The following ADNP variants were observed in gnomAD, a reference collection of about 807,000 sequenced individuals.
The protein encoded by ADNP is activity-dependent neuroprotector homeobox protein.
Under a neutral mutation model 84.9 loss-of-function variants are expected in ADNP, and 4 were observed. The ratio of observed to expected loss-of-function variants is 0.05; its 90% confidence interval spans 0.02 to 0.11. The LOEUF (loss-of-function observed/expected upper bound fraction) is 0.11, where lower values mean the gene tolerates loss of function less well. Ranked by LOEUF, ADNP falls within the 10% of genes least tolerant of loss-of-function variation. The probability of loss-of-function intolerance (pLI) is 1.00; values close to 1 mark genes in which losing one functional copy is unlikely to be tolerated. For synonymous variants in ADNP, 554 were observed against 468.1 expected, an observed-to-expected ratio of 1.18 and a Z score of -2.37; for missense variants, 1,132 against 1,326.0, an observed-to-expected ratio of 0.85 and a Z score of 2.27.
Position 50,893,843 on chromosome 20 carries a change from C to T in ADNP, c.871G>A (p.Ala291Thr), listed in dbSNP as rs756363800. Residue 291 changes from alanine to threonine, a missense_variant, in exon 6 of 6, where the codon GCT (alanine) becomes ACT (threonine). This residue lies in a region of ADNP where 239 missense variants were observed against 213.2 expected (regional missense o/e 1.12). Transcript: ENST00000621696. This position sits in a 1 kb window ranked among gnomAD's most constrained non-coding sequence, Gnocchi z 4.4. ...GGTAAAGACCGGACATTTCCAGAAG[C>T]AAGGGAACCGATCCTTGGTGGGAGT... ...MGLPPRIGSL[A>T]SGNVRSLPSQ... The T allele has an allele frequency of 1.9e-6, 3 of 1,614,184 alleles. No homozygotes were observed. The Admixed American group carries it at 5.0e-5, about 27-fold the overall frequency.
At position 50,890,131 on chromosome 20, in the gene ADNP, TAAAAAA is replaced by T. The variant is rs150489825; in HGVS notation, c.*1268_*1273del. On this transcript the variant is annotated 3_prime_UTR_variant, in exon 6 of 6. Coordinates refer to ENST00000621696, the MANE Select transcript of ADNP (RefSeq NM_001282531.3). Reference sequence around the variant, plus strand: ...AACTCAAGGGTGTTTGTTTTTCAGTTAAAAAAAAAAAAAAAAAAAAAAAAAAAAAAG... The same window carrying T: ...AACTCAAGGGTGTTTGTTTTTCAGTTAAAAAAAAAAAAAAAAAAAAAAAAG... The T allele has an allele frequency of 1.0e-3, 84 of 81,196 alleles. No homozygotes were observed. Among genetic ancestry groups the T allele is most frequent in the African/African-American group, 1.9e-3 (49 of 25,918 alleles). 5.0% of individuals were successfully genotyped at this position (81,196 alleles called of 1,614,324 possible). A position where few individuals can be genotyped will look rare whatever the true frequency, so the allele number is the denominator to read the frequency against.
chr20:50,924,979 C>A (rs887833710), intron 2 of ADNP, among the ~76,000 whole-genome samples: 1 of 152,114 alleles, frequency 6.6e-6, no homozygotes, highest in Non-Finnish European at 1.5e-5. Context: ...TTTTCTAAAT[C>A]TTTATTTCCA....
At position 50,891,745 on chromosome 20, in the gene ADNP, T is replaced by G. The variant is rs779248718; in HGVS notation, c.2969A>C (p.Glu990Ala). The G allele has an allele frequency of 2.5e-6, 4 of 1,614,066 alleles. No homozygotes were observed. The African/African-American group carries it at 5.3e-5, about 22-fold the overall frequency. Residue 990 changes from glutamate to alanine, a missense_variant, in exon 6 of 6, where the codon GAA becomes GCA. Transcript: ENST00000621696. ...GTCAGACCAGGTTCCTGGTTTCATT[T>G]CGCAGGTATTGTCCTCAAAGTCTGA... ...QVSDFEDNTC[E>A]MKPGTWSDES...
At chr20:50,907,769 G>GT (rs35227972) in intron 2 of ADNP, among the ~76,000 whole-genome samples, 22 of 116,462 alleles carry the variant, frequency 1.9e-4, no homozygotes, top group Non-Finnish European at 2.8e-4. Flanking sequence ...GTGTGTGTGT[G>GT]TTTTTTTTTG....
At chr20:50,906,351 C>T (rs558053816) in intron 2 of ADNP, among the ~76,000 whole-genome samples, 7 of 152,326 alleles carry the variant, frequency 4.6e-5, no homozygotes, top group African/African-American at 9.6e-5. Context: ...TGGATGCCCA[C>T]AGATACCTAA....
chr20:50,901,131 G>GT (rs1981930928), intron 5 of ADNP, among the ~76,000 whole-genome samples: 3 of 151,982 alleles, frequency 2.0e-5, no homozygotes, highest in Admixed American at 2.0e-4. Flanking sequence ...TTTCTCCCTA[G>GT]AAACCTACTT....
rs150771590 is a variant in ADNP, at chr20:50,922,239, T to A, written c.-90+6412A>T. Among the ~76,000 whole-genome samples, 51 of 152,248 alleles carry A rather than the reference T, an allele frequency of 3.3e-4. No individual in the cohort carries two copies. The East Asian group carries it at 9.1e-3, about 27-fold the overall frequency. On this transcript the variant is annotated intron_variant, in intron 2 of 5. Transcript: ENST00000621696. ...ACCAGCTGAGTATCCTCTAATTTGG[T>A]TCTGACACTGTCTACCTGGATACAG...
chr20:50,913,344 T>C lies in ADNP; in HGVS notation c.-89-8495A>G, dbSNP rs113015420. 2.3e-3 allele frequency among the ~76,000 whole-genome samples: 308 copies of C among 135,144 alleles called. 1 individual carries two copies. Among genetic ancestry groups the C allele is most frequent in the Middle Eastern group, 4.9e-3 (1 of 206 alleles). The allele number at this position is 135,144 out of a possible 152,430, so 88.7% of individuals were successfully genotyped here. A position where few individuals can be genotyped will look rare whatever the true frequency, so the allele number is the denominator to read the frequency against. On this transcript the variant is annotated intron_variant, in intron 2 of 5. Transcript: ENST00000621696. ...TAGGAAGACAATCAGGCTACTACAATATAAACAATTTCATTTTTTGATAAC... is the reference window on the plus strand; with the variant it reads ...TAGGAAGACAATCAGGCTACTACAACATAAACAATTTCATTTTTTGATAAC...
In ADNP at chr20:50,891,555, A is replaced by C. The variant is rs771531841; in HGVS notation, c.3159T>G (p.Asn1053Lys). ...DQSQWKNASE[N>K]DERLSNPQIE... ...TCTGGGGGTTAGATAAGCGCTCATC[A>C]TTCTCAGATGCATTCTTCCACTGTG... Residue 1053 changes from asparagine (N) to lysine (K), a missense_variant, in exon 6 of 6, where the codon AAT (asparagine) becomes AAG (lysine). Coordinates refer to ENST00000621696, the MANE Select transcript of ADNP (RefSeq NM_001282531.3). 1 of 1,612,398 alleles carries C rather than the reference A, an allele frequency of 6.2e-7. No homozygotes were observed. The highest frequency in any genetic ancestry group is 2.2e-5 in the East Asian group (1 of 44,886).
chr20:50,889,649 T>G lies in ADNP; in HGVS notation c.*1756A>C, dbSNP rs558254711. On this transcript the variant is annotated 3_prime_UTR_variant, in exon 6 of 6. Transcript: ENST00000621696. Reference sequence around the variant, plus strand: ...ATGGACATCAGCCACTTCAGACTTCTTTAGGCCACTATCCTTGAGGTGACT... The same window carrying G: ...ATGGACATCAGCCACTTCAGACTTCGTTAGGCCACTATCCTTGAGGTGACT... The G allele has an allele frequency of 2.6e-6, 1 of 381,588 alleles. No individual in the cohort carries two copies. The highest frequency in any genetic ancestry group is 4.6e-6 in the Non-Finnish European group (1 of 215,958). The allele number at this position is 381,588 out of a possible 1,614,324, so 23.6% of individuals were successfully genotyped here. A position where few individuals can be genotyped will look rare whatever the true frequency, so the allele number is the denominator to read the frequency against.
At position 50,892,033 on chromosome 20, in the gene ADNP, T is replaced by A; in HGVS notation, c.2681A>T (p.Asp894Val). Reference protein sequence around the residue: ...EESNESGSPFDPVFEVEPKIS... With the variant: ...EESNESGSPFVPVFEVEPKIS... ...TTTAGGTTCAACTTCAAAAACAGGG[T>A]CAAAAGGGCTACCACTTTCATTGGA... Residue 894 changes from aspartate to valine, a missense_variant, in exon 6 of 6, where the codon GAC becomes GTC. Asp to Val is a radical substitution (Grantham distance 152). Transcript: ENST00000621696. 2 of 1,614,152 alleles carry A rather than the reference T, an allele frequency of 1.2e-6. No individual in the cohort carries two copies. Among genetic ancestry groups the A allele is most frequent in the East Asian group, 4.5e-5 (2 of 44,890 alleles).
Position 50,892,878 on chromosome 20 carries a change from T to A in ADNP, c.1836A>T (p.Ala612=). 6.2e-7 allele frequency: 1 copy of A among 1,614,274 alleles called. No homozygotes were observed. Among genetic ancestry groups the A allele is most frequent in the South Asian group, 1.1e-5 (1 of 91,088 alleles). ...TCCCAACATCTTTTTTATAGGGCAC[T>A]GCAGCTTGAGGTGAACTTTTTACAG... ...DIPVKSSPQA[A]VPYKKDVGKT... is the part of the protein sequence containing the mutation. The change falls in exon 6 of 6, where the codon GCA becomes GCT. Residue 612 remains alanine, a synonymous_variant. Transcript: ENST00000621696.
At chr20:50,923,158 C>G (rs779734670) in intron 2 of ADNP, among the ~76,000 whole-genome samples, 16 of 152,162 alleles carry the variant, frequency 1.1e-4, no homozygotes, top group Non-Finnish European at 1.9e-4. Flanking sequence ...GTATGTATCA[C>G]AACACCACAA....
chr20:50,908,916 G>A (rs192916183), intron 2 of ADNP, among the ~76,000 whole-genome samples: 8 of 151,984 alleles, frequency 5.3e-5, no homozygotes, highest in Non-Finnish European at 7.4e-5. Context: ...CCTCACTTTC[G>A]AATGCAAAGA....
chr20:50,909,166 A>T (rs949494656), intron 2 of ADNP, among the ~76,000 whole-genome samples: 1 of 151,726 alleles, frequency 6.6e-6, no homozygotes, highest in African/African-American at 2.4e-5. Flanking sequence ...AGGTCAGGAG[A>T]GTAGCCTGAC....
chr20:50,895,342 G>C (rs1374756131), intron 5 of ADNP, among the ~76,000 whole-genome samples: 1 of 152,144 alleles, frequency 6.6e-6, no homozygotes, highest in Admixed American at 6.5e-5. Flanking sequence ...ATTACCATAG[G>C]CAATGATTAA....
chr20:50,902,191 C>A, intron 4 of ADNP, 82 bp from the exon 5 acceptor site: 1 of 1,039,086 alleles, frequency 9.6e-7, no homozygotes, highest in South Asian at 1.4e-5. Context: ...CACCTCTTAA[C>A]TAAGATGGGG....
rs777516475 is a variant in ADNP, at chr20:50,893,515, G to T, written c.1199C>A (p.Ser400Tyr). 9 of 1,612,804 alleles carry T rather than the reference G, an allele frequency of 5.6e-6. No individual in the cohort carries two copies. Among genetic ancestry groups the T allele is most frequent in the Non-Finnish European group, 7.6e-6 (9 of 1,179,126 alleles). Residue 400 changes from serine (S) to tyrosine (Y), a missense_variant, in exon 6 of 6, where the codon TCT (serine) becomes TAT (tyrosine). By Grantham distance (144) the Ser-to-Tyr change is moderately radical. Coordinates refer to ENST00000621696, the MANE Select transcript of ADNP (RefSeq NM_001282531.3). The surrounding 1 kb of genome is among the most constrained non-coding windows in gnomAD (Gnocchi z 4.4). ...CTTTAACTGGCCCGATGAGAGAGAA[G>T]AGGCATTAGCAGACTGCAGGGAGTA... Reference protein sequence around the residue: ...ARYSLQSANASSLSSGQLKSP... With the variant: ...ARYSLQSANAYSLSSGQLKSP...
At position 50,902,121 on chromosome 20, in the gene ADNP, T is replaced by C; in HGVS notation, c.109-12A>G. ...AATTGTTTAAAATCCTAGAAAACAG[T>C]GAAATAAGTTTACAAAAACATAGTG... is the stretch of plus-strand genomic sequence containing the variant. On this transcript the variant is annotated splice_polypyrimidine_tract_variant and intron_variant, in intron 4 of 5. Transcript: ENST00000621696. The C allele has an allele frequency of 6.4e-7, 1 of 1,573,448 alleles. No individual in the cohort carries two copies. Among genetic ancestry groups the C allele is most frequent in the Non-Finnish European group, 8.7e-7 (1 of 1,143,264 alleles).
Sources: allele counts gnomAD v4.1 joint callset (sites outside exome capture counted in the v4.1 genomes callset), GRCh38; gene constraint gnomAD v4.1.1; regional missense constraint gnomAD v4.1.1; non-coding constraint Gnocchi (gnomAD v3.1); transcripts MANE v1.5; gene names NCBI Gene and HGNC (gene_info 2026-07-23, HGNC 2026-07-21).